ASPH: variants seen among roughly 807,000 people sequenced by gnomAD.
ASPH encodes the protein aspartyl/asparaginyl beta-hydroxylase.
ASPH carries 100 observed loss-of-function variants against 118.4 expected under a neutral mutation model. That is an observed-to-expected ratio of 0.84 (90% CI 0.72 to 1.00). The LOEUF is 1.00. Ranked by LOEUF, ASPH falls within the 50% of genes least tolerant of loss-of-function variation. The probability of loss-of-function intolerance (pLI) is 0.00; values close to 1 mark genes in which losing one functional copy is unlikely to be tolerated. For missense variants in ASPH, 920 were observed against 919.5 expected, an observed-to-expected ratio of 1.00 and a Z score of -0.01; for synonymous variants, 315 against 325.6, an observed-to-expected ratio of 0.97 and a Z score of 0.35.
chr8:61,615,222 C>T (rs908129513), intron 14 of ASPH, among the ~76,000 whole-genome samples: 3 of 152,142 alleles, frequency 2.0e-5, no homozygotes, highest in Admixed American at 2.0e-4. Context: ...AGCACACATG[C>T]CCTGAGGACC....
Position 61,649,843 on chromosome 8 carries a change from C to T in ASPH, c.490+1207G>A, listed in dbSNP as rs1451461885. 2.0e-5 allele frequency among the ~76,000 whole-genome samples: 3 copies of T among 152,170 alleles called. No homozygotes were observed. In the East Asian group the frequency reaches 5.8e-4, roughly 29 times the overall value. On this transcript the variant is annotated intron_variant, in intron 5 of 24. Transcript: ENST00000379454. ...CAGAAGGCACAACACTCCTAAATAC[C>T]TTCCCCAATGGCTTCAGTTACTCTT...
intron 19 of ASPH, among the ~76,000 whole-genome samples, chr8:61,555,405 T>C (rs1203575196): frequency 6.6e-6 from 1 of 152,162 alleles, no homozygotes; most frequent in Admixed American, 6.6e-5. Context: ...GTGATTCTCA[T>C]GCTTCAGCCT....
At chr8:61,610,294 T>C (rs1271927407) in intron 14 of ASPH, among the ~76,000 whole-genome samples, 1 of 152,160 alleles carries the variant, frequency 6.6e-6, no homozygotes, top group Non-Finnish European at 1.5e-5. Context: ...AATTATCACA[T>C]GTACTACACT....
At chr8:61,607,386 C>CT in intron 14 of ASPH, 1 of 632,244 alleles carries the variant, frequency 1.6e-6, no homozygotes, top group South Asian at 1.7e-5. Context: ...TCCATACACG[C>CT]TGACTTTTAA....
intron 2 of ASPH, among the ~76,000 whole-genome samples, chr8:61,681,373 T>C (rs932987801): frequency 3.3e-5 from 5 of 151,832 alleles, no homozygotes; most frequent in Non-Finnish European, 5.9e-5. Context: ...TTTTAGCATA[T>C]ATGAAATAAT....
chr8:61,659,796 T>C (rs1351770159), intron 3 of ASPH: 1 of 152,196 alleles, frequency 6.6e-6, no homozygotes, highest in African/African-American at 2.4e-5. Context: ...ACAAAAACTT[T>C]CCTTTTAAAC....
chr8:61,599,953 C>T (rs192058247), intron 14 of ASPH, among the ~76,000 whole-genome samples: 18 of 152,178 alleles, frequency 1.2e-4, no homozygotes, highest in Middle Eastern at 3.4e-3. Context: ...GACACAACAA[C>T]GACAACAAGA....
chr8:61,591,356 T>G (rs1217306700), intron 14 of ASPH, among the ~76,000 whole-genome samples: 3 of 151,730 alleles, frequency 2.0e-5, no homozygotes, highest in Non-Finnish European at 4.4e-5. Context: ...TCCAAAAAGT[T>G]TCAATGGTCA....
intron 21 of ASPH, among the ~76,000 whole-genome samples, chr8:61,533,652 G>A (rs925988042): frequency 1.3e-5 from 2 of 152,116 alleles, no homozygotes; most frequent in South Asian, 2.1e-4. Context: ...AAATGTCAGC[G>A]TAGATAAGTC....
chr8:61,503,495 C>T lies in ASPH; in HGVS notation c.2141G>A (p.Gly714Asp). 6.2e-7 allele frequency: 1 copy of T among 1,611,226 alleles called. No individual in the cohort carries two copies. The highest frequency in any genetic ancestry group is 8.5e-7 in the Non-Finnish European group (1 of 1,178,622). ...CANETKTWEEGKVLIFDDSFE... is the reference protein window; with the variant it reads ...CANETKTWEEDKVLIFDDSFE... ...GGAGTCATCAAAGATGAGCACCTTG[C>T]CTTCCTCCCAGGTCCTGCAGCAGAA... The change falls in exon 25 of 25, where the codon GGC becomes GAC. Residue 714 changes from glycine (G) to aspartate (D), a missense_variant. Physicochemically the swap from Gly to Asp is moderately conservative, Grantham distance 94. Transcript: ENST00000379454.
chr8:61,655,060 A>G (rs1257785518), intron 3 of ASPH, among the ~76,000 whole-genome samples: 1 of 152,228 alleles, frequency 6.6e-6, no homozygotes, highest in Non-Finnish European at 1.5e-5. Context: ...TGCTGAATGA[A>G]TGGGAAAAAG....
At chr8:61,699,988 A>T (rs1321422775) in intron 1 of ASPH, among the ~76,000 whole-genome samples, 1 of 152,184 alleles carries the variant, frequency 6.6e-6, no homozygotes, top group East Asian at 1.9e-4. Context: ...CTTCCCACAA[A>T]TCCAAGAGGG....
intron 9 of ASPH, 129 bp downstream of exon 9, chr8:61,643,257 A>G: frequency 1.1e-6 from 1 of 875,224 alleles, no homozygotes; most frequent in Non-Finnish European, 1.7e-6. Context: ...TATAAAACAA[A>G]ATCTCATGCA....
intron 13 of ASPH, among the ~76,000 whole-genome samples, chr8:61,627,701 T>G (rs1853566630): frequency 6.6e-6 from 1 of 152,182 alleles, no homozygotes; most frequent in Non-Finnish European, 1.5e-5. Context: ...AGTATAACAA[T>G]GAGTATTTAT....
At chr8:61,543,878 G>T (rs752001761) in intron 21 of ASPH, among the ~76,000 whole-genome samples, 2 of 152,084 alleles carry the variant, frequency 1.3e-5, no homozygotes, top group African/African-American at 2.4e-5. Flanking sequence ...ACCTGTAGTT[G>T]CTCTGGGCAC....
chr8:61,579,324 C>G, intron 15 of ASPH: 1 of 1,614,160 alleles, frequency 6.2e-7, no homozygotes, highest in Non-Finnish European at 8.5e-7. Flanking sequence ...GGACATGGCA[C>G]GGCAGCTGCG....
At chr8:61,521,887 C>A (rs1171779324) in intron 22 of ASPH, among the ~76,000 whole-genome samples, 5 of 152,196 alleles carry the variant, frequency 3.3e-5, no homozygotes, top group Non-Finnish European at 7.3e-5. Context: ...GCTTCTGGGG[C>A]AACAACAGGT....
chr8:61,530,073 ACCACC>A (rs1817003693), intron 21 of ASPH, among the ~76,000 whole-genome samples: 1 of 152,178 alleles, frequency 6.6e-6, no homozygotes, highest in Non-Finnish European at 1.5e-5. Context: ...CTACACTAAT[ACCACC>A]CACTTGTCTT....
In ASPH at chr8:61,638,369, A is replaced by AC. The variant is rs770093341; in HGVS notation, c.791-7_791-6insG. ...TTCTAGAGGTTCATATACTGCTAAA[A>AC]AAAAAAAAACAGAAACAAAATCCCG... On this transcript the variant is annotated splice_region_variant and splice_polypyrimidine_tract_variant and intron_variant, in intron 10 of 24. Transcript: ENST00000379454. The AC allele has an allele frequency of 4.4e-6, 7 of 1,576,756 alleles. No individual in the cohort carries two copies. In the Admixed American group the frequency reaches 1.1e-4, roughly 26 times the overall value.
Sources: gnomAD v4.1 joint callset for allele counts (sites outside exome capture counted in the v4.1 genomes callset) on GRCh38, gnomAD v4.1.1 for gene constraint, MANE v1.5 for transcripts, NCBI Gene and HGNC (gene_info 2026-07-23, HGNC 2026-07-21) for gene names.